Variants in MINK1 observed in about 807,000 individuals in gnomAD.
MINK1 encodes misshapen-like kinase 1.
A neutral mutation model predicts 178.4 loss-of-function variants in MINK1; 46 were observed. The ratio of observed to expected loss-of-function variants is 0.26; its 90% CI spans 0.20 to 0.33. The LOEUF (loss-of-function observed/expected upper bound fraction) is 0.33, where lower values mean the gene tolerates loss of function less well. Ranked by LOEUF, MINK1 falls within the 10% of genes least tolerant of loss-of-function variation. MINK1 has a pLI of 1.00. For missense variants in MINK1, 1,366 were observed against 1,814.9 expected (o/e 0.75, Z 4.49); for synonymous variants, 797 against 709.7 (o/e 1.12, Z -1.96).
In MINK1 at chr17:4,894,373, C is replaced by CATACCCT; in HGVS notation, c.2808+62_2808+63insATACCCT. The stretch of plus-strand genomic sequence containing the variant: ...AGCCCTGGCGATGGGCAGGAGGTCC[C>CATACCCT]GGTGCTGGGTAACGGCAGAGGATGG... On this transcript the variant is annotated intron_variant, in intron 23 of 31. Coordinates refer to ENST00000355280, the MANE Select transcript of MINK1 (RefSeq NM_153827.5). This position sits in a 1 kb window ranked among gnomAD's most constrained non-coding sequence, Gnocchi z 4.1. The CATACCCT allele has an allele frequency of 6.4e-7, 1 of 1,574,710 alleles. No homozygotes were observed. The highest frequency in any genetic ancestry group is 1.9e-5 in the Admixed American group (1 of 53,574).
rs1372305864 is a variant in MINK1 at position 4,885,529 on chromosome 17, G to A, written c.555G>A (p.Arg185=). The A allele has an allele frequency of 1.9e-6, 3 of 1,613,976 alleles. No homozygotes were observed. Among genetic ancestry groups the A allele is most frequent in the Non-Finnish European group, 2.5e-6 (3 of 1,179,886 alleles). ...SAQLDRTVGR[R]NTFIGTPYWM... ...AGCTGGACCGCACCGTGGGCAGACG[G>A]AACACTTTCATTGGGACTCCCTACT... is the stretch of plus-strand genomic sequence containing the variant. The change falls in exon 7 of 32, where the codon CGG becomes CGA. Residue 185 remains arginine, a synonymous_variant. Coordinates refer to ENST00000355280, the MANE Select transcript of MINK1 (RefSeq NM_153827.5). This position sits in a 1 kb window ranked among gnomAD's most constrained non-coding sequence, Gnocchi z 5.0.
At chr17:4,856,437 C>T (rs986595547) in intron 1 of MINK1, among the ~76,000 whole-genome samples, 3 of 149,570 alleles carry the variant, frequency 2.0e-5, no homozygotes, top group Non-Finnish European at 4.5e-5. Flanking sequence ...CTCACACTCT[C>T]TTTTTTTTTT....
In MINK1 at chr17:4,891,314, T is replaced by G. The variant is rs561310344; in HGVS notation, c.1741-142T>G. On this transcript the variant is annotated intron_variant, in intron 15 of 31. Transcript: ENST00000355280. ...CTTGCTGCCTGTGTCTGTCCTGACT[T>G]AGCTGTCATCAGGCTCAAGGAACCC... 62 of 1,266,680 alleles carry G rather than the reference T, an allele frequency of 4.9e-5. No individual in the cohort carries two copies. The South Asian group carries it at 9.0e-4, about 18-fold the overall frequency. 78.5% of individuals were successfully genotyped at this position (1,266,680 alleles called of 1,614,324 possible).
intron 1 of MINK1, among the ~76,000 whole-genome samples, chr17:4,842,847 G>A (rs1179671369): frequency 6.6e-6 from 1 of 152,236 alleles, no homozygotes; most frequent in African/African-American, 2.4e-5. Context: ...AGACAGAGGT[G>A]TGGTGAATGA....
At chr17:4,893,205 G>A in intron 20 of MINK1, 138 bp downstream of exon 20, 2 of 1,568,700 alleles carry the variant, frequency 1.3e-6, no homozygotes, top group East Asian at 2.3e-5. Context: ...GCTTCTCATG[G>A]TGCTAACCTT....
At chr17:4,858,596 C>T (rs906315744) in intron 1 of MINK1, among the ~76,000 whole-genome samples, 1 of 151,842 alleles carries the variant, frequency 6.6e-6, no homozygotes, top group African/African-American at 2.4e-5. Flanking sequence ...CATGCCTTAC[C>T]CTCCTGAGTA....
intron 1 of MINK1, among the ~76,000 whole-genome samples, chr17:4,855,961 C>T (rs1597419828): frequency 1.3e-5 from 2 of 149,022 alleles, no homozygotes; most frequent in Middle Eastern, 3.4e-3. Flanking sequence ...GTGACAAAAG[C>T]GAGACTCTAT....
rs1457839858 is a variant in MINK1, at chr17:4,897,619, C to T, written c.*332C>T. 1 of 238,162 alleles carries T rather than the reference C, an allele frequency of 4.2e-6. No homozygotes were observed. Among genetic ancestry groups the T allele is most frequent in the African/African-American group, 2.3e-5 (1 of 43,828 alleles). The allele number at this position is 238,162 out of a possible 1,614,324, so 14.8% of individuals were successfully genotyped here. A position where few individuals can be genotyped will look rare whatever the true frequency, so the allele number is the denominator to read the frequency against. ...CTTGGGGCTTGAACCCCTTACCCCA[C>T]TGCTGCTGACTGGGCAGGGCCCTGG... On this transcript the variant is annotated 3_prime_UTR_variant, in exon 32 of 32. Transcript: ENST00000355280.
intron 1 of MINK1, chr17:4,851,022 TC>T: frequency 2.2e-6 from 1 of 459,140 alleles, no homozygotes; most frequent in South Asian, 1.6e-5. Context: ...AGGCCACAGA[TC>T]TGGTTTTCCT....
intron 16 of MINK1, 78 bp from the exon 17 acceptor site, chr17:4,892,071 C>T (rs555632420): frequency 2.5e-6 from 3 of 1,222,476 alleles, no homozygotes; most frequent in Admixed American, 2.3e-5. Context: ...GGGAGCTCAC[C>T]TCTCAGAGGT....
At chr17:4,884,513 C>T (rs750865944) in intron 5 of MINK1, 40 bp downstream of exon 5, 1 of 1,454,354 alleles carries the variant, frequency 6.9e-7, no homozygotes, top group African/African-American at 1.4e-5. Context: ...TCCTCCGCTA[C>T]CCTGGCTGGA....
At position 4,896,877 on chromosome 17, in the gene MINK1, C is replaced by A. The variant is rs1452164059; in HGVS notation, c.3915+64C>A. ...GCTGCCATGACCCTAGGCCCCTGGG[C>A]AGAGTTCTGGGGAGAGGATGGTGGT... On this transcript the variant is annotated intron_variant, in intron 31 of 31. Coordinates refer to ENST00000355280, the MANE Select transcript of MINK1 (RefSeq NM_153827.5). This position sits in a 1 kb window ranked among gnomAD's most constrained non-coding sequence, Gnocchi z 4.6. The A allele has an allele frequency of 2.7e-6, 4 of 1,503,532 alleles. No individual in the cohort carries two copies. Among genetic ancestry groups the A allele is most frequent in the Non-Finnish European group, 3.5e-6 (4 of 1,128,682 alleles). The allele number at this position is 1,503,532 out of a possible 1,614,324, so 93.1% of individuals were successfully genotyped here.
At chr17:4,844,810 TC>T (rs1405174374) in intron 1 of MINK1, among the ~76,000 whole-genome samples, 7 of 152,084 alleles carry the variant, frequency 4.6e-5, no homozygotes, top group Admixed American at 1.3e-4. Flanking sequence ...CTGTCTCATT[TC>T]CCCCCACCCT....
chr17:4,895,697 G>C lies in MINK1; in HGVS notation c.3230-1G>C. 6.2e-7 allele frequency: 1 copy of C among 1,613,124 alleles called. No individual in the cohort carries two copies. Among genetic ancestry groups the C allele is most frequent in the Non-Finnish European group, 8.5e-7 (1 of 1,179,550 alleles). On this transcript the variant is annotated splice_acceptor_variant, in intron 26 of 31. Transcript: ENST00000355280. LOFTEE classifies it high-confidence loss of function. This position sits in a 1 kb window ranked among gnomAD's most constrained non-coding sequence, Gnocchi z 4.3. ...GGTGTGTATGTCTGTCCGTCCCTCAGGGAAAAGGAACAAACTGCGGGTGTA... is the reference window on the plus strand; with the variant it reads ...GGTGTGTATGTCTGTCCGTCCCTCACGGAAAAGGAACAAACTGCGGGTGTA...
Position 4,881,537 on chromosome 17 carries a change from C to T in MINK1, c.306+280C>T, listed in dbSNP as rs551417678. ...CCCCTAACCAGTGTCTCACACTGTGCGATCGGCTCTTAATAAATAAATATA... is the reference window on the plus strand; with the variant it reads ...CCCCTAACCAGTGTCTCACACTGTGTGATCGGCTCTTAATAAATAAATATA... On this transcript the variant is annotated intron_variant, in intron 4 of 31. Transcript: ENST00000355280. Among the ~76,000 whole-genome samples, 7 of 152,332 alleles carry T rather than the reference C, an allele frequency of 4.6e-5. No homozygotes were observed. In the South Asian group the frequency reaches 1.2e-3, roughly 27 times the overall value.
intron 1 of MINK1, among the ~76,000 whole-genome samples, chr17:4,863,780 C>CATCATT (rs369511224): frequency 6.0e-5 from 9 of 148,814 alleles, no homozygotes; most frequent in African/African-American, 2.2e-4. Flanking sequence ...CTAGCTGTCT[C>CATCATT]ATTATTATTA....
Position 4,896,899 on chromosome 17 carries a change from T to G in MINK1, c.3915+86T>G. The G allele has an allele frequency of 1.4e-6, 2 of 1,469,826 alleles. No individual in the cohort carries two copies. The highest frequency in any genetic ancestry group is 9.0e-7 in the Non-Finnish European group (1 of 1,108,958). The allele number at this position is 1,469,826 out of a possible 1,614,324, so 91.0% of individuals were successfully genotyped here. A position where few individuals can be genotyped will look rare whatever the true frequency, so the allele number is the denominator to read the frequency against. ...GGGCAGAGTTCTGGGGAGAGGATGG[T>G]GGTGGTGGCTTCCTGAAAGCGGGCC... On this transcript the variant is annotated intron_variant, in intron 31 of 31. Coordinates refer to ENST00000355280, the MANE Select transcript of MINK1 (RefSeq NM_153827.5). This position sits in a 1 kb window ranked among gnomAD's most constrained non-coding sequence, Gnocchi z 4.6.
chr17:4,894,414 G>A lies in MINK1; in HGVS notation c.2808+103G>A, dbSNP rs1213420328. 6.5e-7 allele frequency: 1 copy of A among 1,533,106 alleles called. No individual in the cohort carries two copies. Among genetic ancestry groups the A allele is most frequent in the African/African-American group, 1.4e-5 (1 of 72,906 alleles). The allele number at this position is 1,533,106 out of a possible 1,614,324, so 95.0% of individuals were successfully genotyped here. Reference sequence around the variant, plus strand: ...CAGAGGATGGGGCGGAGCGCTGGGAGCTGGACAGCGGGGGTGCCAGTTGGG... The same window carrying A: ...CAGAGGATGGGGCGGAGCGCTGGGAACTGGACAGCGGGGGTGCCAGTTGGG... On this transcript the variant is annotated intron_variant, in intron 23 of 31. Transcript: ENST00000355280. This position sits in a 1 kb window ranked among gnomAD's most constrained non-coding sequence, Gnocchi z 4.1.
Position 4,897,932 on chromosome 17 carries a change from C to G in MINK1, c.*645C>G, listed in dbSNP as rs1053818311. 6.6e-6 allele frequency: 1 copy of G among 152,448 alleles called. No individual in the cohort carries two copies. The highest frequency in any genetic ancestry group is 1.5e-5 in the Non-Finnish European group (1 of 68,360). The allele number at this position is 152,448 out of a possible 1,614,324, so 9.4% of individuals were successfully genotyped here. A position where few individuals can be genotyped will look rare whatever the true frequency, so the allele number is the denominator to read the frequency against. ...GGGAGCAGGGAGCCCTCACTCTCCA[C>G]GCCCCTTGCTTGCATCTGTATATAG... On this transcript the variant is annotated 3_prime_UTR_variant, in exon 32 of 32. Coordinates refer to ENST00000355280, the MANE Select transcript of MINK1 (RefSeq NM_153827.5).
Sources: allele counts gnomAD v4.1 joint callset (sites outside exome capture counted in the v4.1 genomes callset), GRCh38; gene constraint gnomAD v4.1.1; non-coding constraint Gnocchi (gnomAD v3.1); transcripts MANE v1.5; gene names NCBI Gene and HGNC (gene_info 2026-07-23, HGNC 2026-07-21).